Variants in FAM193A observed in about 807,000 individuals in gnomAD.
The protein encoded by FAM193A is family with sequence similarity 193 member A.
Under a neutral mutation model 126.5 loss-of-function variants are expected in FAM193A, and 22 were observed. That is an observed-to-expected ratio of 0.17 (90% CI 0.12 to 0.25). The LOEUF is 0.25. Ranked by LOEUF, FAM193A falls within the 10% of genes least tolerant of loss-of-function variation. The probability of loss-of-function intolerance (pLI) is 1.00; values close to 1 mark genes in which losing one functional copy is unlikely to be tolerated. For missense variants in FAM193A, 1,675 were observed against 1,672.8 expected (o/e 1.00, Z -0.02); for synonymous variants, 761 against 646.8 (o/e 1.18, Z -2.68).
intron 20 of FAM193A, among the ~76,000 whole-genome samples, chr4:2,726,048 G>A (rs554930601): frequency 5.0e-4 from 76 of 152,192 alleles, no homozygotes; most frequent in African/African-American, 1.7e-3. Context: ...ACAGGCGCCC[G>A]CCACCACGCC....
chr4:2,715,986 C>G (rs2109371736), intron 19 of FAM193A, 37 bp from the exon 20 acceptor site: 1 of 1,111,608 alleles, frequency 9.0e-7, no homozygotes, highest in East Asian at 2.3e-5. Context: ...TAGCCTGCTG[C>G]TGTAATTTGA....
chr4:2,626,567 C>T lies in FAM193A; in HGVS notation c.793C>T (p.Leu265Phe), dbSNP rs762264370. ...LVPDKEGVKE[L>F]VDRLCERDPY... ...GCCTGACAAGGAGGGAGTGAAGGAG[C>T]TCGTGGATAGGTACATACTGCCCTT... Residue 265 changes from leucine to phenylalanine, a missense_variant, in exon 4 of 21, where the codon CTC becomes TTC. Leu to Phe is a conservative substitution (Grantham distance 22). Transcript: ENST00000637812. The T allele has an allele frequency of 4.3e-6, 3 of 700,636 alleles. No individual in the cohort carries two copies. The highest frequency in any genetic ancestry group is 7.8e-6 in the Non-Finnish European group (3 of 384,120). The allele number at this position is 700,636 out of a possible 1,614,324, so 43.4% of individuals were successfully genotyped here. A position where few individuals can be genotyped will look rare whatever the true frequency, so the allele number is the denominator to read the frequency against.
chr4:2,546,267 C>G (rs1199078157), intron 1 of FAM193A, among the ~76,000 whole-genome samples: 4 of 151,882 alleles, frequency 2.6e-5, no homozygotes, highest in African/African-American at 4.8e-5. Flanking sequence ...TTTGGGATTA[C>G]AGGTGTAGGC....
intron 20 of FAM193A, among the ~76,000 whole-genome samples, chr4:2,717,362 A>G (rs1719653981): frequency 6.6e-6 from 1 of 152,102 alleles, no homozygotes; most frequent in Admixed American, 6.5e-5. Flanking sequence ...GGAGGCCAAG[A>G]CAGGCAGATC....
intron 1 of FAM193A, among the ~76,000 whole-genome samples, chr4:2,544,068 T>C (rs1164434808): frequency 6.6e-6 from 1 of 152,068 alleles, no homozygotes; most frequent in African/African-American, 2.4e-5. Flanking sequence ...TTAACTCTAG[T>C]TCATATTTGC....
chr4:2,539,614 C>G (rs906526006), intron 1 of FAM193A, among the ~76,000 whole-genome samples: 3 of 151,820 alleles, frequency 2.0e-5, no homozygotes, highest in Non-Finnish European at 4.4e-5. Context: ...ACTATGTTAC[C>G]CAGGCTTGTC....
intron 1 of FAM193A, among the ~76,000 whole-genome samples, chr4:2,567,946 G>A (rs890734516): frequency 6.6e-5 from 10 of 152,292 alleles, no homozygotes; most frequent in Admixed American, 2.0e-4. Context: ...CCTCCAGCAC[G>A]TCCTGTTTTC....
At chr4:2,699,603 ATTATCTTAGTTT>A (rs1717460812) in intron 18 of FAM193A, 65 bp from the exon 19 acceptor site, 1 of 1,440,432 alleles carries the variant, frequency 6.9e-7, no homozygotes. Flanking sequence ...CGTTTTTGAA[ATTATCTTAGTTT>A]TTCTGTATGA....
At chr4:2,619,381 C>T (rs1742401398) in intron 2 of FAM193A, among the ~76,000 whole-genome samples, 2 of 151,966 alleles carry the variant, frequency 1.3e-5, no homozygotes, top group Admixed American at 1.3e-4. Context: ...CGGCTCACTG[C>T]AACCTCCGCC....
intron 1 of FAM193A, among the ~76,000 whole-genome samples, chr4:2,582,918 G>T (rs1040434974): frequency 6.6e-6 from 1 of 152,170 alleles, no homozygotes; most frequent in African/African-American, 2.4e-5. Flanking sequence ...ACTTGGAAGT[G>T]TGTAGCGGTA....
rs755854193 is a variant in FAM193A, at chr4:2,694,918, G to A, written c.3093-28G>A. 6 of 1,559,818 alleles carry A rather than the reference G, an allele frequency of 3.8e-6. No individual in the cohort carries two copies. The African/African-American group carries it at 8.2e-5, about 21-fold the overall frequency. On this transcript the variant is annotated intron_variant, in intron 16 of 20. Coordinates refer to ENST00000637812, the MANE Select transcript of FAM193A (RefSeq NM_001366318.2). The stretch of plus-strand genomic sequence containing the variant: ...TCATTGCCTCCCGGGCCGGCCACTT[G>A]CTGATGAGCTTGTATGCGGTTTTGC...
intron 7 of FAM193A, among the ~76,000 whole-genome samples, chr4:2,656,283 T>C (rs1032037755): frequency 6.6e-6 from 1 of 152,240 alleles, no homozygotes; most frequent in African/African-American, 2.4e-5. Context: ...TGGGGCCTAA[T>C]TCATTTTTAC....
At chr4:2,678,004 T>G (rs1476275551) in intron 13 of FAM193A, among the ~76,000 whole-genome samples, 1 of 151,332 alleles carries the variant, frequency 6.6e-6, no homozygotes, top group Admixed American at 6.6e-5. Flanking sequence ...TGTGTTTGTT[T>G]GTTTGTTTGT....
chr4:2,597,063 C>T (rs1399470417), intron 2 of FAM193A, among the ~76,000 whole-genome samples: 54 of 152,158 alleles, frequency 3.5e-4, no homozygotes, highest in Non-Finnish European at 2.9e-5. Flanking sequence ...TGGTGACAAT[C>T]TGAAGAGCGC....
intron 1 of FAM193A, among the ~76,000 whole-genome samples, chr4:2,548,648 G>A (rs1482031505): frequency 2.0e-5 from 3 of 151,354 alleles, no homozygotes; most frequent in African/African-American, 7.3e-5. Context: ...GTAGAGATGG[G>A]GTTTCACCAT....
Position 2,631,091 on chromosome 4 carries a change from G to A in FAM193A, c.960G>A (p.Gln320=). Residue 320 remains glutamine (Q), a synonymous_variant, in exon 5 of 21, where the codon CAG becomes CAA. Coordinates refer to ENST00000637812, the MANE Select transcript of FAM193A (RefSeq NM_001366318.2). The stretch of plus-strand genomic sequence containing the variant: ...TGCAGGGCCCGCCGCAAGCGCACCA[G>A]TTCATCTCCCTCCTGCTTGAGGAGT... ...SGLQGPPQAH[Q]FISLLLEEYG... is the part of the protein sequence containing the mutation. 6.2e-7 allele frequency: 1 copy of A among 1,613,920 alleles called. No homozygotes were observed. The highest frequency in any genetic ancestry group is 8.5e-7 in the Non-Finnish European group (1 of 1,180,012).
chr4:2,628,462 C>G (rs2108988835), intron 4 of FAM193A, among the ~76,000 whole-genome samples: 1 of 152,036 alleles, frequency 6.6e-6, no homozygotes, highest in Admixed American at 6.6e-5. Flanking sequence ...AACATAGTGA[C>G]TTGTCTCTAC....
chr4:2,551,788 T>C (rs561563517), intron 1 of FAM193A, among the ~76,000 whole-genome samples: 1 of 151,914 alleles, frequency 6.6e-6, no homozygotes, highest in Non-Finnish European at 1.5e-5. Flanking sequence ...TTTTTTTTTT[T>C]AAACACTTTG....
At chr4:2,607,235 A>C (rs1741600453) in intron 2 of FAM193A, among the ~76,000 whole-genome samples, 1 of 152,012 alleles carries the variant, frequency 6.6e-6, no homozygotes, top group East Asian at 1.9e-4. Flanking sequence ...GGACATTCTT[A>C]AGTGGAACTG....
Sources: allele counts gnomAD v4.1 joint callset (sites outside exome capture counted in the v4.1 genomes callset), GRCh38; gene constraint gnomAD v4.1.1; transcripts MANE v1.5; gene names NCBI Gene and HGNC (gene_info 2026-07-23, HGNC 2026-07-21).